The following GALNT13 variants were observed in gnomAD, a reference collection of about 807,000 sequenced individuals.
GALNT13 encodes the protein polypeptide N-acetylgalactosaminyltransferase 13, also known as UDP-GalNAc:polypeptide N-acetylgalactosaminyltransferase 13.
GALNT13 carries 28 observed loss-of-function variants against 64.2 expected under a neutral mutation model. That is an observed-to-expected ratio of 0.44 (90% CI 0.32 to 0.60). The LOEUF is 0.60. Among genes scored for constraint, GALNT13 ranks in the 20% least tolerant of loss-of-function variants. The pLI, the probability that GALNT13 is intolerant of heterozygous loss-of-function variation, is 0.05. For missense variants in GALNT13, 577 were observed against 669.8 expected (o/e 0.86, Z 1.53); for synonymous variants, 214 against 224.6 (o/e 0.95, Z 0.42).
intron 2 of GALNT13, among the ~76,000 whole-genome samples, chr2:153,910,934 A>T (rs1274570910): frequency 6.6e-6 from 1 of 152,182 alleles, no homozygotes; most frequent in Non-Finnish European, 1.5e-5. Flanking sequence ...GGTATCTATC[A>T]GGTCCATTTG....
intron 4 of GALNT13, among the ~76,000 whole-genome samples, chr2:154,173,024 G>A (rs189900889): frequency 1.5e-4 from 23 of 151,948 alleles, no homozygotes; most frequent in Middle Eastern, 3.4e-3. Context: ...GCAATCATGA[G>A]CAAAAAAGAA....
At chr2:153,963,041 A>G (rs111827350) in intron 3 of GALNT13, among the ~76,000 whole-genome samples, 1 of 152,168 alleles carries the variant, frequency 6.6e-6, no homozygotes. Flanking sequence ...ACAGAAATTT[A>G]TTTCTTACAC....
At chr2:154,172,876 T>C (rs192770330) in intron 4 of GALNT13, among the ~76,000 whole-genome samples, 1 of 152,040 alleles carries the variant, frequency 6.6e-6, no homozygotes, top group Non-Finnish European at 1.5e-5. Flanking sequence ...AGAATTAATA[T>C]TGTTAAAATA....
chr2:154,157,132 A>G (rs1573771507), intron 4 of GALNT13, among the ~76,000 whole-genome samples: 1 of 152,052 alleles, frequency 6.6e-6, no homozygotes, highest in South Asian at 2.1e-4. Flanking sequence ...ACTTCCTCTC[A>G]ACCCTCATTC....
the GALNT13 span, among the ~76,000 whole-genome samples, chr2:153,608,499 G>A: frequency 6.6e-6 from 1 of 151,816 alleles, no homozygotes; most frequent in African/African-American, 2.4e-5. Flanking sequence ...TTCTAAGATA[G>A]CATGAGTATC....
chr2:153,811,332 T>G, the GALNT13 span, among the ~76,000 whole-genome samples: 5 of 152,224 alleles, frequency 3.3e-5, no homozygotes, highest in Admixed American at 1.3e-4. Context: ...CTTAGGAGAC[T>G]GACTTTTGTC....
At chr2:153,208,973 C>CTTTTTTCTTT in the GALNT13 span, among the ~76,000 whole-genome samples, 1 of 74,682 alleles carries the variant, frequency 1.3e-5, no homozygotes, top group Non-Finnish European at 2.4e-5. Context: ...TGGTTTTGGT[C>CTTTTTTCTTT]TTTTTTTTTT....
chr2:153,734,496 A>G, the GALNT13 span, among the ~76,000 whole-genome samples: 3 of 152,200 alleles, frequency 2.0e-5, no homozygotes, highest in Non-Finnish European at 4.4e-5. Flanking sequence ...AAATTTGCAT[A>G]CAGAAGCAGC....
the GALNT13 span, among the ~76,000 whole-genome samples, chr2:153,276,447 G>C: frequency 6.6e-6 from 1 of 151,982 alleles, no homozygotes; most frequent in Admixed American, 6.6e-5. Flanking sequence ...GTATGAGGTA[G>C]TGATCTAATT....
chr2:154,114,807 A>G (rs1422347912), intron 3 of GALNT13, among the ~76,000 whole-genome samples: 1 of 152,160 alleles, frequency 6.6e-6, no homozygotes, highest in Non-Finnish European at 1.5e-5. Context: ...TTAATTAGCT[A>G]ATGCCCAAAC....
chr2:153,172,504 T>C, the GALNT13 span, among the ~76,000 whole-genome samples: 18,923 of 150,750 alleles, frequency 0.13, 1,484 homozygotes, highest in Non-Finnish European at 0.17. Context: ...CACTGAGAGC[T>C]GAGGTGGGTC....
intron 2 of GALNT13, among the ~76,000 whole-genome samples, chr2:153,908,341 G>T (rs1688717892): frequency 6.6e-6 from 1 of 152,080 alleles, no homozygotes. Context: ...TCTATAGGTT[G>T]TCTGCTTACT....
At chr2:154,367,538 T>C (rs890937895) in intron 9 of GALNT13, among the ~76,000 whole-genome samples, 2 of 152,154 alleles carry the variant, frequency 1.3e-5, no homozygotes, top group Admixed American at 1.3e-4. Context: ...ATTGTTTTTT[T>C]AATATTATGT....
chr2:153,787,668 A>G, the GALNT13 span, among the ~76,000 whole-genome samples: 32 of 152,176 alleles, frequency 2.1e-4, no homozygotes, highest in Non-Finnish European at 4.4e-5. Context: ...AGAATACTGT[A>G]ACATAATCCA....
chr2:154,054,520 A>G (rs1453785806), intron 3 of GALNT13, among the ~76,000 whole-genome samples: 1 of 152,024 alleles, frequency 6.6e-6, no homozygotes, highest in East Asian at 1.9e-4. Flanking sequence ...TTACTTAAGA[A>G]ACCTAAGTTA....
chr2:153,423,347 AG>A, the GALNT13 span: 1 of 151,852 alleles, frequency 6.6e-6, no homozygotes, highest in African/African-American at 2.4e-5. Flanking sequence ...AACAAATAGG[AG>A]TAAGGGACCC....
the GALNT13 span, among the ~76,000 whole-genome samples, chr2:153,359,629 G>GAAAAAAAA: frequency 1.1e-4 from 1 of 8,926 alleles, no homozygotes; most frequent in Non-Finnish European, 2.1e-4. Context: ...CCAGCTTTCA[G>GAAAAAAAA]CAAAAAAAAA....
chr2:153,968,712 A>T (rs1477009621), intron 3 of GALNT13, among the ~76,000 whole-genome samples: 1 of 152,164 alleles, frequency 6.6e-6, no homozygotes, highest in Non-Finnish European at 1.5e-5. Context: ...TTGGTATTGG[A>T]TTAAATTTTT....
intron 3 of GALNT13, among the ~76,000 whole-genome samples, chr2:154,092,768 A>C (rs1335924674): frequency 6.6e-6 from 1 of 152,034 alleles, no homozygotes; most frequent in Non-Finnish European, 1.5e-5. Context: ...GTGAAGGAGC[A>C]CGTTATTTGC....
Sources: gnomAD v4.1 joint callset for allele counts (sites outside exome capture counted in the v4.1 genomes callset) on GRCh38, gnomAD v4.1.1 for gene constraint, MANE v1.5 for transcripts, NCBI Gene and HGNC (gene_info 2026-07-23, HGNC 2026-07-21) for gene names.